Variants in AATK observed in about 807,000 individuals in gnomAD.
AATK encodes serine/threonine-protein kinase LMTK1.
In AATK, 91 loss-of-function variants were observed where a neutral mutation model predicts 114.3. The ratio of observed to expected loss-of-function variants is 0.80; its 90% CI spans 0.67 to 0.95. AATK has a LOEUF of 0.95. Among genes scored for constraint, AATK ranks in the 40% least tolerant of loss-of-function variants. AATK has a pLI of 0.00. For missense variants in AATK, 2,176 were observed against 1,965.2 expected, an observed-to-expected ratio of 1.11 and a Z score of -2.03; for synonymous variants, 1,075 against 916.5, an observed-to-expected ratio of 1.17 and a Z score of -3.12.
rs2060639364 is a variant in AATK at position 81,119,202 on chromosome 17, A to AAGGAGCG, written c.4084+177_4084+178insCGCTCCT. Among the ~76,000 whole-genome samples, 179 of 130,960 alleles carry AAGGAGCG rather than the reference A, an allele frequency of 1.4e-3. 2 individuals are homozygous for AAGGAGCG. The highest frequency in any genetic ancestry group is 4.3e-3 in the Middle Eastern group (1 of 234). 85.9% of individuals were successfully genotyped at this position (130,960 alleles called of 152,430 possible). On this transcript the variant is annotated intron_variant, in intron 13 of 13. Coordinates refer to ENST00000326724, the MANE Select transcript of AATK (RefSeq NM_001080395.3). The stretch of plus-strand genomic sequence containing the variant: ...GTGAGGGTCAGGTGAGGGCCAGGCG[A>AAGGAGCG]GGGCCAGGCGGGGTCCAGGCTAGGT...
At chr17:81,152,455 G>A (rs954711899) in intron 1 of AATK, among the ~76,000 whole-genome samples, 16 of 151,898 alleles carry the variant, frequency 1.1e-4, no homozygotes, top group Middle Eastern at 3.4e-3. Context: ...AGTGTGACTC[G>A]AACCTGTGGT....
intron 1 of AATK, among the ~76,000 whole-genome samples, chr17:81,153,903 T>G (rs976885894): frequency 2.6e-5 from 4 of 152,060 alleles, no homozygotes; most frequent in Non-Finnish European, 4.4e-5. Context: ...AAACCCCGTC[T>G]CCACTAAAAA....
chr17:81,151,702 A>C (rs1413958255), intron 1 of AATK, among the ~76,000 whole-genome samples: 1 of 152,188 alleles, frequency 6.6e-6, no homozygotes, highest in African/African-American at 2.4e-5. Flanking sequence ...GAATATGCTG[A>C]AATCCCTGAA....
At chr17:81,125,393 G>C (rs780899137) in intron 7 of AATK, 6 of 541,956 alleles carry the variant, frequency 1.1e-5, no homozygotes, top group Non-Finnish European at 2.2e-5. Context: ...CGGCTCCCCA[G>C]GAGGTGGGAA....
intron 3 of AATK, 34 bp from the exon 4 acceptor site, chr17:81,128,583 T>C (rs1021560135): frequency 6.5e-7 from 1 of 1,547,910 alleles, no homozygotes; most frequent in Non-Finnish European, 8.7e-7. Context: ...GGACCCAGTG[T>C]GGCCTCCGCA....
chr17:81,130,881 C>T (rs1304839682), intron 3 of AATK, among the ~76,000 whole-genome samples, 180 bp downstream of exon 3: 6 of 152,196 alleles, frequency 3.9e-5, no homozygotes, highest in Non-Finnish European at 2.9e-5. Flanking sequence ...CCCCACAGTG[C>T]GGCCTGTGAC....
intron 10 of AATK, 114 bp downstream of exon 10, chr17:81,123,080 G>A: frequency 2.5e-6 from 3 of 1,223,866 alleles, no homozygotes; most frequent in South Asian, 2.0e-5. Context: ...CCAGAGGGGA[G>A]GGGAGACCAG....
Position 81,126,097 on chromosome 17 carries a change from C to A in AATK, c.755+330G>T, listed in dbSNP as rs2060817222. 2.0e-6 allele frequency: 1 copy of A among 501,584 alleles called. No individual in the cohort carries two copies. 31.1% of individuals were successfully genotyped at this position (501,584 alleles called of 1,614,324 possible). On this transcript the variant is annotated intron_variant, in intron 7 of 13. Coordinates refer to ENST00000326724, the MANE Select transcript of AATK (RefSeq NM_001080395.3). This position sits in a 1 kb window ranked among gnomAD's most constrained non-coding sequence, Gnocchi z 5.1. ...CAGGGTCCTTCGAAGCAGGGTCTGT[C>A]TCCCTCAAGCCCCAAAGCGAGGGCT... is the stretch of plus-strand genomic sequence containing the variant.
chr17:81,142,423 C>T (rs567360148), intron 1 of AATK, among the ~76,000 whole-genome samples: 159 of 152,238 alleles, frequency 1.0e-3, no homozygotes, highest in African/African-American at 3.8e-3. Flanking sequence ...CAGCCTTGCA[C>T]CACCACACCC....
intron 1 of AATK, among the ~76,000 whole-genome samples, chr17:81,162,526 A>G (rs1272973801): frequency 6.6e-6 from 1 of 152,156 alleles, no homozygotes; most frequent in Non-Finnish European, 1.5e-5. Context: ...GGGACCACCC[A>G]GGCCCATGGC....
intron 13 of AATK, among the ~76,000 whole-genome samples, chr17:81,118,650 G>T (rs536108793): frequency 2.0e-5 from 3 of 152,232 alleles, no homozygotes; most frequent in Admixed American, 6.5e-5. Flanking sequence ...AAATGCCTCC[G>T]AGTCCTGTTT....
chr17:81,125,047 AGCAGGGTG>A (rs2060783269), intron 7 of AATK, 33 bp from the exon 8 acceptor site: 29 of 51,800 alleles, frequency 5.6e-4, no homozygotes, highest in Non-Finnish European at 7.5e-4. Context: ...GGGCAGGGTG[AGCAGGGTG>A]AGCAGGGTGT....
chr17:81,135,927 GCCGTGAACAGATGTCAT>G, intron 1 of AATK: 1 of 152,432 alleles, frequency 6.6e-6, no homozygotes, highest in East Asian at 1.9e-4. Flanking sequence ...AACGGGTAGG[GCCGTGAACAGATGTCAT>G]CCCAGGCGAG....
chr17:81,134,106 C>G (rs2060975644), intron 2 of AATK, among the ~76,000 whole-genome samples: 1 of 152,166 alleles, frequency 6.6e-6, no homozygotes, highest in Non-Finnish European at 1.5e-5. Context: ...TGCTCGGGCC[C>G]AACCCCAGGC....
In AATK at chr17:81,165,996, C is replaced by T; in HGVS notation, c.-4G>A. The T allele has an allele frequency of 1.3e-6, 2 of 1,566,488 alleles. No homozygotes were observed. Among genetic ancestry groups the T allele is most frequent in the Middle Eastern group, 1.7e-4 (1 of 5,912 alleles). The stretch of plus-strand genomic sequence containing the variant: ...GGTTGAAGAAGGACGACGACATGGC[C>T]GGGCCAGCGGCCGGCGGGCATCCCG... On this transcript the variant is annotated 5_prime_UTR_variant, in exon 1 of 14. Coordinates refer to ENST00000326724, the MANE Select transcript of AATK (RefSeq NM_001080395.3).
chr17:81,137,809 ACGTT>A (rs2061036706), intron 1 of AATK, among the ~76,000 whole-genome samples: 1 of 152,056 alleles, frequency 6.6e-6, no homozygotes, highest in Non-Finnish European at 1.5e-5. Flanking sequence ...CAAGACATGA[ACGTT>A]CATGCACAGA....
chr17:81,133,528 G>C (rs1401571014), intron 2 of AATK, among the ~76,000 whole-genome samples: 1 of 152,186 alleles, frequency 6.6e-6, no homozygotes, highest in African/African-American at 2.4e-5. Context: ...TCTGACCTCT[G>C]GCCCAGGGGT....
At chr17:81,159,521 G>C (rs549802774) in intron 1 of AATK, among the ~76,000 whole-genome samples, 30 of 152,244 alleles carry the variant, frequency 2.0e-4, no homozygotes, top group Non-Finnish European at 1.5e-4. Flanking sequence ...CAGGGGGTTC[G>C]AGGAAATTCC....
At chr17:81,147,682 G>A (rs2061240376) in intron 1 of AATK, among the ~76,000 whole-genome samples, 1 of 151,736 alleles carries the variant, frequency 6.6e-6, no homozygotes, top group Admixed American at 6.6e-5. Flanking sequence ...CTTAAGCCCA[G>A]GTGTGGAGGT....
Sources: gnomAD v4.1 joint callset for allele counts (sites outside exome capture counted in the v4.1 genomes callset) on GRCh38, gnomAD v4.1.1 for gene constraint, Gnocchi (gnomAD v3.1) non-coding constraint, MANE v1.5 for transcripts, NCBI Gene and HGNC (gene_info 2026-07-23, HGNC 2026-07-21) for gene names.